The following ANXA7 variants were observed in gnomAD, a reference collection of about 807,000 sequenced individuals.
ANXA7 encodes the protein annexin VII.
Under a neutral mutation model 64.9 loss-of-function variants are expected in ANXA7, and 55 were observed. The ratio of observed to expected loss-of-function variants is 0.85; its 90% CI spans 0.68 to 1.06. The LOEUF (loss-of-function observed/expected upper bound fraction) is 1.06, where lower values mean the gene tolerates loss of function less well. ANXA7 is among the 50% of genes least tolerant of loss of function. The pLI is 0.00. For missense variants in ANXA7, 548 were observed against 582.1 expected, an observed-to-expected ratio of 0.94 and a Z score of 0.60; for synonymous variants, 200 against 192.4, an observed-to-expected ratio of 1.04 and a Z score of -0.33.
intron 12 of ANXA7, among the ~76,000 whole-genome samples, chr10:73,377,759 G>A (rs942695510): frequency 1.0e-4 from 14 of 135,476 alleles, no homozygotes; most frequent in African/African-American, 3.4e-4. Flanking sequence ...CTACCATGCC[G>A]GGGGGTGGGT....
intron 1 of ANXA7, among the ~76,000 whole-genome samples, chr10:73,401,586 G>A (rs749770198): frequency 1.5e-4 from 22 of 151,326 alleles, no homozygotes; most frequent in African/African-American, 2.4e-4. Context: ...TGCAACCTCC[G>A]CCTCCCGGGT....
intron 2 of ANXA7, among the ~76,000 whole-genome samples, chr10:73,399,607 G>A (rs2055627945): frequency 6.6e-6 from 1 of 152,026 alleles, no homozygotes; most frequent in African/African-American, 2.4e-5. Context: ...CGGATCACGA[G>A]GTCAGGAGAT....
chr10:73,387,500 G>A (rs548686847), intron 7 of ANXA7, among the ~76,000 whole-genome samples, 189 bp downstream of exon 7: 11 of 139,388 alleles, frequency 7.9e-5, no homozygotes, highest in Non-Finnish European at 1.5e-4. Flanking sequence ...GGATGTTGGT[G>A]CGAGACTTCA....
intron 2 of ANXA7, 24 bp downstream of exon 2, chr10:73,400,779 G>A (rs1406014860): frequency 6.3e-7 from 1 of 1,582,604 alleles, no homozygotes; most frequent in Admixed American, 1.8e-5. Context: ...TTAAGGATGT[G>A]AGGTATTAAG....
At chr10:73,411,002 T>C (rs1347798485) in intron 1 of ANXA7, among the ~76,000 whole-genome samples, 1 of 152,138 alleles carries the variant, frequency 6.6e-6, no homozygotes, top group African/African-American at 2.4e-5. Flanking sequence ...ACATGTATAT[T>C]TATAGCAGCA....
intron 1 of ANXA7, among the ~76,000 whole-genome samples, chr10:73,406,167 G>A (rs1185385103): frequency 2.0e-5 from 3 of 152,146 alleles, no homozygotes; most frequent in Non-Finnish European, 2.9e-5. Context: ...TGTTGGCCAG[G>A]CTGGTCTCGA....
chr10:73,377,888 G>C (rs1262655881), intron 12 of ANXA7, among the ~76,000 whole-genome samples: 1 of 146,092 alleles, frequency 6.8e-6, no homozygotes, highest in African/African-American at 2.6e-5. Context: ...ATGTTGCCCA[G>C]GCTACCACGC....
chr10:73,378,876 G>T, intron 12 of ANXA7, 35 bp downstream of exon 12: 6 of 1,501,368 alleles, frequency 4.0e-6, no homozygotes, highest in Non-Finnish European at 5.6e-6. Flanking sequence ...TGAACATCAA[G>T]TAAGACCCGA....
At chr10:73,402,988 C>G (rs933706528) in intron 1 of ANXA7, among the ~76,000 whole-genome samples, 1 of 152,106 alleles carries the variant, frequency 6.6e-6, no homozygotes, top group Admixed American at 6.6e-5. Context: ...CCGTGCCTGG[C>G]TAATTTTTGT....
At position 73,398,073 on chromosome 10, in the gene ANXA7, G is replaced by A. The variant is rs1021570806; in HGVS notation, c.259+108C>T. ...GTCCTTACTACCTAAGGTTACCTAAGAGCGACTTGACCTTATACAAAACAA... is the reference window on the plus strand; with the variant it reads ...GTCCTTACTACCTAAGGTTACCTAAAAGCGACTTGACCTTATACAAAACAA... On this transcript the variant is annotated intron_variant, in intron 3 of 12. Coordinates refer to ENST00000372921, the MANE Select transcript of ANXA7 (RefSeq NM_001156.5). The A allele has an allele frequency of 1.7e-5, 19 of 1,121,720 alleles. No homozygotes were observed. The Admixed American group carries it at 5.3e-4, about 31-fold the overall frequency. 69.5% of individuals were successfully genotyped at this position (1,121,720 alleles called of 1,614,324 possible). A position where few individuals can be genotyped will look rare whatever the true frequency, so the allele number is the denominator to read the frequency against.
At chr10:73,403,712 G>A (rs1316102940) in intron 1 of ANXA7, among the ~76,000 whole-genome samples, 3 of 152,330 alleles carry the variant, frequency 2.0e-5, no homozygotes, top group Non-Finnish European at 2.9e-5. Flanking sequence ...AAAGGTGAAT[G>A]TGATACTGCC....
intron 1 of ANXA7, among the ~76,000 whole-genome samples, chr10:73,403,867 C>A (rs142103094): frequency 2.0e-5 from 3 of 152,240 alleles, no homozygotes; most frequent in East Asian, 3.9e-4. Context: ...CCTTTTTAGG[C>A]CTTCATTTCT....
intron 9 of ANXA7, among the ~76,000 whole-genome samples, chr10:73,382,456 C>T (rs1190938582): frequency 6.6e-6 from 1 of 152,130 alleles, no homozygotes; most frequent in African/African-American, 2.4e-5. Context: ...GATCCTCCCA[C>T]TGAACTTCCT....
chr10:73,402,162 C>T (rs186678791), intron 1 of ANXA7, among the ~76,000 whole-genome samples: 7 of 152,152 alleles, frequency 4.6e-5, no homozygotes, highest in Non-Finnish European at 7.4e-5. Context: ...GTCACATATA[C>T]GTGGATTAAA....
chr10:73,380,687 A>G (rs1178838915), intron 9 of ANXA7, among the ~76,000 whole-genome samples: 2 of 152,236 alleles, frequency 1.3e-5, no homozygotes, highest in Non-Finnish European at 2.9e-5. Flanking sequence ...ATTTTATAAT[A>G]TAAGATCACG....
chr10:73,381,883 CTT>C (rs748004145), intron 9 of ANXA7, among the ~76,000 whole-genome samples: 14 of 145,310 alleles, frequency 9.6e-5, no homozygotes, highest in Admixed American at 1.4e-4. Flanking sequence ...AGCTACCTCC[CTT>C]TTTTTTTTTT....
At chr10:73,410,796 A>G (rs1447255346) in intron 1 of ANXA7, among the ~76,000 whole-genome samples, 2 of 151,826 alleles carry the variant, frequency 1.3e-5, no homozygotes, top group Non-Finnish European at 2.9e-5. Context: ...AAAAAAAAAA[A>G]AAAAGTCAAA....
At chr10:73,396,189 T>C in intron 5 of ANXA7, 1 of 925,416 alleles carries the variant, frequency 1.1e-6, no homozygotes, top group Non-Finnish European at 1.7e-6. Flanking sequence ...GAAATACCAA[T>C]CACCCAGCCA....
intron 5 of ANXA7, among the ~76,000 whole-genome samples, chr10:73,395,225 C>A (rs778098528): frequency 1.9e-4 from 29 of 152,126 alleles, no homozygotes; most frequent in Non-Finnish European, 3.8e-4. Context: ...AGTTTCTCAA[C>A]CTCTCTGGAG....
Sources: gnomAD v4.1 joint callset for allele counts (sites outside exome capture counted in the v4.1 genomes callset) on GRCh38, gnomAD v4.1.1 for gene constraint, MANE v1.5 for transcripts, NCBI Gene and HGNC (gene_info 2026-07-23, HGNC 2026-07-21) for gene names.